The following GSE1 variants were observed in gnomAD, a reference collection of about 807,000 sequenced individuals.
GSE1 encodes the protein Gse1 coiled-coil protein.
A neutral mutation model predicts 112.6 loss-of-function variants in GSE1; 32 were observed. The ratio of observed to expected loss-of-function variants is 0.28; its 90% CI spans 0.21 to 0.38. The LOEUF is 0.38. Among genes scored for constraint, GSE1 ranks in the 10% least tolerant of loss-of-function variants. GSE1 has a pLI of 1.00. For missense variants in GSE1, 2,348 were observed against 1,699.2 expected (o/e 1.38, Z -6.71); for synonymous variants, 1,115 against 735.6 (o/e 1.52, Z -8.35).
chr16:85,455,418 AAAG>A (rs1224300470), intron 2 of GSE1, among the ~76,000 whole-genome samples: 10 of 152,186 alleles, frequency 6.6e-5, no homozygotes, highest in African/African-American at 2.4e-4. Context: ...AAAGAAAAGA[AAAG>A]AAAAGAAAAA....
intron 1 of GSE1, among the ~76,000 whole-genome samples, chr16:85,265,757 C>T (rs183520105): frequency 6.6e-6 from 1 of 152,196 alleles, no homozygotes; most frequent in East Asian, 1.9e-4. Flanking sequence ...GTGCTCAGGA[C>T]CTGGGGTGCC....
rs750993302 is a variant in GSE1, at chr16:85,665,940, A to G, written c.2759-36A>G. The stretch of plus-strand genomic sequence containing the variant: ...CTGGACACTCAGCCTGTTAACTTGC[A>G]TTTCTTAATATTTTCCTTCACTTTG... On this transcript the variant is annotated intron_variant, in intron 12 of 15. Transcript: ENST00000253458. 3.1e-6 allele frequency: 5 copies of G among 1,607,348 alleles called. No homozygotes were observed. In the South Asian group the frequency reaches 4.4e-5, roughly 14 times the overall value.
At chr16:85,354,050 A>C (rs2046902357) in intron 1 of GSE1, among the ~76,000 whole-genome samples, 1 of 151,978 alleles carries the variant, frequency 6.6e-6, no homozygotes, top group Non-Finnish European at 1.5e-5. Flanking sequence ...ACTCCCTTTC[A>C]AATCCTACTC....
chr16:85,404,344 C>T (rs1468961158), intron 2 of GSE1, among the ~76,000 whole-genome samples: 2 of 67,304 alleles, frequency 3.0e-5, no homozygotes, highest in African/African-American at 6.8e-5. Flanking sequence ...CCCGGATAAT[C>T]CTCACCGTTA....
At chr16:85,255,019 G>A (rs1214853948) in intron 1 of GSE1, among the ~76,000 whole-genome samples, 15 of 152,252 alleles carry the variant, frequency 9.9e-5, no homozygotes, top group Admixed American at 6.5e-4. Flanking sequence ...CCTCTGCCGC[G>A]GGCGGTCTCT....
intron 1 of GSE1, among the ~76,000 whole-genome samples, chr16:85,233,674 G>A (rs897092834): frequency 6.6e-6 from 1 of 152,122 alleles, no homozygotes. Flanking sequence ...ATGGGTGGTG[G>A]AGGCAGTGGG....
intron 15 of GSE1, among the ~76,000 whole-genome samples, chr16:85,671,333 G>C (rs953957057): frequency 6.6e-6 from 1 of 150,836 alleles, no homozygotes; most frequent in African/African-American, 2.4e-5. Flanking sequence ...CCAGCTACTT[G>C]GGAGGCTGAG....
At chr16:85,247,106 G>A (rs1161173994) in intron 1 of GSE1, among the ~76,000 whole-genome samples, 3 of 152,066 alleles carry the variant, frequency 2.0e-5, no homozygotes, top group East Asian at 1.9e-4. Context: ...TTCCTTGACC[G>A]CCTCTGGTAC....
At chr16:85,596,406 G>A (rs1045305415) in intron 1 of GSE1, among the ~76,000 whole-genome samples, 4 of 152,176 alleles carry the variant, frequency 2.6e-5, no homozygotes, top group African/African-American at 9.7e-5. Flanking sequence ...CGGGCACCTG[G>A]CTCACTGTGT....
At chr16:85,474,187 A>G (rs2050380205) in intron 2 of GSE1, among the ~76,000 whole-genome samples, 1 of 152,126 alleles carries the variant, frequency 6.6e-6, no homozygotes, top group South Asian at 2.1e-4. Context: ...GGGCCAGGCC[A>G]GGCCAGGGAC....
intron 2 of GSE1, among the ~76,000 whole-genome samples, chr16:85,470,974 C>T (rs540951072): frequency 7.9e-5 from 12 of 152,352 alleles, no homozygotes; most frequent in African/African-American, 2.2e-4. Context: ...CTGGCAGACA[C>T]GCGGCCCACT....
chr16:85,563,181 TC>T, intron 1 of GSE1, among the ~76,000 whole-genome samples: 1 of 145,682 alleles, frequency 6.9e-6, no homozygotes, highest in African/African-American at 2.7e-5. Flanking sequence ...CTCCTCCTCC[TC>T]CTCTTCCTTT....
At chr16:85,670,657 T>C (rs1055623852) in intron 14 of GSE1, 3 of 172,376 alleles carry the variant, frequency 1.7e-5, no homozygotes, top group Non-Finnish European at 3.7e-5. Context: ...AGGTGTACTC[T>C]GGCCTTTTTC....
At chr16:85,374,382 ATGTGTGTGGT>A (rs372727611) in intron 2 of GSE1, among the ~76,000 whole-genome samples, 64 of 139,076 alleles carry the variant, frequency 4.6e-4, no homozygotes, top group African/African-American at 1.7e-3. Context: ...GTCATTGTGT[ATGTGTGTGGT>A]TGTGTGTGGC....
intron 3 of GSE1, among the ~76,000 whole-genome samples, chr16:85,650,769 G>A (rs1305480203): frequency 2.0e-5 from 3 of 152,128 alleles, no homozygotes; most frequent in Non-Finnish European, 2.9e-5. Flanking sequence ...TCCTCTCGGA[G>A]TGGGGAGGCA....
chr16:85,173,291 G>A (rs970443187), intron 1 of GSE1, among the ~76,000 whole-genome samples: 3 of 152,170 alleles, frequency 2.0e-5, no homozygotes, highest in African/African-American at 7.2e-5. Flanking sequence ...GGTATCTGAG[G>A]CAGATTTCGA....
chr16:85,193,025 C>T (rs757130371), intron 1 of GSE1, among the ~76,000 whole-genome samples: 7 of 152,186 alleles, frequency 4.6e-5, no homozygotes, highest in East Asian at 1.9e-4. Flanking sequence ...GCTCTTCCCC[C>T]GGCATCTGGC....
At chr16:85,609,696 C>T (rs2047880299), upstream of GSE1, among the ~76,000 whole-genome samples, 1 of 152,062 alleles carries the variant, frequency 6.6e-6, no homozygotes, top group Non-Finnish European at 1.5e-5. Context: ...ACTCTGTCGC[C>T]CAGGCTAGAG....
Position 85,410,900 on chromosome 16 carries a change from G to A in GSE1, c.2464+53257G>A, listed in dbSNP as rs36139321. Among the ~76,000 whole-genome samples the A allele has an allele frequency of 7.4e-3, 338 of 45,696 alleles. 6 individuals are homozygous for A. The highest frequency in any genetic ancestry group is 0.026 in the Admixed American group (78 of 3,046). 30.0% of individuals were successfully genotyped at this position (45,696 alleles called of 152,430 possible). A position where few individuals can be genotyped will look rare whatever the true frequency, so the allele number is the denominator to read the frequency against. On this transcript the variant is annotated intron_variant, in intron 2 of 2. Transcript: ENST00000637419. ...ACTCAGGGTCCCTCTGATAATCCTC[G>A]CTGTTACACTCAGGGCCCCCCTGGA...
Sources: allele counts gnomAD v4.1 joint callset (sites outside exome capture counted in the v4.1 genomes callset), GRCh38; gene constraint gnomAD v4.1.1; transcripts MANE v1.5; gene names NCBI Gene and HGNC (gene_info 2026-07-23, HGNC 2026-07-21).